Variants in VPS53 observed in about 807,000 individuals in gnomAD.
VPS53 encodes the protein VPS53 subunit of GARP complex.
In VPS53, 70 loss-of-function variants were observed where a neutral mutation model predicts 107.0. That is an observed-to-expected ratio of 0.65 (90% CI 0.54 to 0.80). VPS53 has a LOEUF of 0.80. Ranked by LOEUF, VPS53 falls within the 30% of genes least tolerant of loss-of-function variation. VPS53 has a pLI of 0.00. For synonymous variants in VPS53, 409 were observed against 393.3 expected, an observed-to-expected ratio of 1.04 and a Z score of -0.47; for missense variants, 917 against 1,049.4, an observed-to-expected ratio of 0.87 and a Z score of 1.74.
intron 4 of VPS53, among the ~76,000 whole-genome samples, chr17:680,921 G>C (rs962000488): frequency 1.3e-5 from 2 of 151,980 alleles, no homozygotes; most frequent in Admixed American, 6.6e-5. Flanking sequence ...TTATACCCTT[G>C]GAAATTTATT....
rs1969107626 is a variant in VPS53 at position 615,770 on chromosome 17, A to G, written c.1116+7763T>C. ...TCCTGAAAGGAAGGTAGCATGGGGA[A>G]GGGGTCAGGGGCCAGGGAGCAGCAT... On this transcript the variant is annotated intron_variant, in intron 11 of 21. Transcript: ENST00000437048. 2.0e-5 allele frequency among the ~76,000 whole-genome samples: 3 copies of G among 152,324 alleles called. No homozygotes were observed. The South Asian group carries it at 6.2e-4, about 32-fold the overall frequency.
intron 17 of VPS53, among the ~76,000 whole-genome samples, chr17:546,593 G>A (rs990853733): frequency 6.6e-6 from 1 of 152,026 alleles, no homozygotes; most frequent in African/African-American, 2.4e-5. Context: ...TATACAAATC[G>A]CCAGTAGCAT....
intron 5 of VPS53, among the ~76,000 whole-genome samples, chr17:659,052 A>T (rs138551404): frequency 7.2e-6 from 1 of 139,704 alleles, no homozygotes; most frequent in Non-Finnish European, 1.6e-5. Flanking sequence ...AAAAAAAAAA[A>T]GGTTAAGACC....
chr17:671,188 GCCACTGCACT>G (rs1163024548), intron 4 of VPS53, among the ~76,000 whole-genome samples: 1 of 151,268 alleles, frequency 6.6e-6, no homozygotes, highest in Non-Finnish European at 1.5e-5. Flanking sequence ...CCAAGATTAT[GCCACTGCACT>G]CCAGCCTGGG....
chr17:704,582 T>C (rs989304895), intron 2 of VPS53, among the ~76,000 whole-genome samples: 1 of 152,188 alleles, frequency 6.6e-6, no homozygotes, highest in Non-Finnish European at 1.5e-5. Flanking sequence ...CTGGCTTAGA[T>C]TTCACTCAGA....
In VPS53 at chr17:590,926, T is replaced by C. The variant is rs956471293; in HGVS notation, c.1219-4562A>G. On this transcript the variant is annotated intron_variant, in intron 12 of 21. Transcript: ENST00000437048. ...TTAGAGAGGATTCCCTCTTTTTCTA[T>C]TGATTGGAATAGTTTCAGAAGGAAT... Among the ~76,000 whole-genome samples, 1,498 of 152,148 alleles carry C rather than the reference T, an allele frequency of 9.8e-3. 20 individuals carry two copies. Among genetic ancestry groups the C allele is most frequent in the African/African-American group, 0.034 (1,408 of 41,502 alleles).
chr17:543,314 T>C (rs12941393), intron 17 of VPS53, among the ~76,000 whole-genome samples: 24,137 of 152,200 alleles, frequency 0.16, 2,105 homozygotes, highest in South Asian at 0.27. Context: ...TGTTTCAAAG[T>C]GTCTTTGGGG....
chr17:688,868 T>TC (rs1455034226), intron 4 of VPS53, among the ~76,000 whole-genome samples: 1 of 152,180 alleles, frequency 6.6e-6, no homozygotes, highest in African/African-American at 2.4e-5. Flanking sequence ...CACTCCCAGG[T>TC]CATGTCCAAA....
chr17:681,541 A>G (rs1346705327), intron 4 of VPS53, among the ~76,000 whole-genome samples: 2 of 152,206 alleles, frequency 1.3e-5, no homozygotes, highest in Non-Finnish European at 2.9e-5. Context: ...ACGCTTCCAT[A>G]TTGAATCTGT....
chr17:672,051 G>A (rs915369774), intron 4 of VPS53, among the ~76,000 whole-genome samples: 2 of 150,744 alleles, frequency 1.3e-5, no homozygotes, highest in South Asian at 2.1e-4. Context: ...GAGTTAGAGA[G>A]CAGCTAGGTT....
chr17:702,759 A>G (rs375972144), intron 2 of VPS53, among the ~76,000 whole-genome samples: 1 of 152,232 alleles, frequency 6.6e-6, no homozygotes, highest in Non-Finnish European at 1.5e-5. Flanking sequence ...CTTCATTTCC[A>G]GGCTTTCTGC....
intron 12 of VPS53, among the ~76,000 whole-genome samples, chr17:593,902 AC>A (rs1170680720): frequency 6.6e-6 from 1 of 152,232 alleles, no homozygotes; most frequent in Non-Finnish European, 1.5e-5. Context: ...AAGACTTGGA[AC>A]CAACCCAAAT....
intron 5 of VPS53, among the ~76,000 whole-genome samples, chr17:657,750 C>T (rs2143551256): frequency 6.6e-6 from 1 of 152,080 alleles, no homozygotes; most frequent in Non-Finnish European, 1.5e-5. Flanking sequence ...ATAGATACGT[C>T]CTCATTAAAG....
At chr17:624,397 G>A (rs1469086767) in intron 10 of VPS53, among the ~76,000 whole-genome samples, 1 of 152,146 alleles carries the variant, frequency 6.6e-6, no homozygotes, top group African/African-American at 2.4e-5. Context: ...TGGCAAGCAC[G>A]CTTAGCTGGT....
Position 558,669 on chromosome 17 carries a change from G to A in VPS53, c.1704+1757C>T, listed in dbSNP as rs117171690. On this transcript the variant is annotated intron_variant, in intron 15 of 21. Transcript: ENST00000437048. ...CAAAATTTGAAGCACTATAAACAAC[G>A]ATCAGGGATGCTTGCTAAATAAGTT... Among the ~76,000 whole-genome samples the A allele has an allele frequency of 1.1e-4, 17 of 149,826 alleles. No homozygotes were observed. In the East Asian group the frequency reaches 3.0e-3, roughly 27 times the overall value.
In VPS53 at chr17:623,522, G is replaced by T; in HGVS notation, c.1116+11C>A. The T allele has an allele frequency of 6.2e-7, 1 of 1,608,538 alleles. No homozygotes were observed. Among genetic ancestry groups the T allele is most frequent in the Non-Finnish European group, 8.5e-7 (1 of 1,175,826 alleles). On this transcript the variant is annotated intron_variant, in intron 11 of 21. Transcript: ENST00000437048. ...TGATTTCACGTGGCAGCTCCCTAGGGAAGGTCTTACCAGGGTCCCATCGGT... is the reference window on the plus strand; with the variant it reads ...TGATTTCACGTGGCAGCTCCCTAGGTAAGGTCTTACCAGGGTCCCATCGGT...
chr17:644,385 C>G (rs904293073), intron 7 of VPS53, among the ~76,000 whole-genome samples: 8 of 152,202 alleles, frequency 5.3e-5, no homozygotes, highest in Admixed American at 5.2e-4. Flanking sequence ...CCGCCCCTTA[C>G]AACAAATAGC....
Position 519,289 on chromosome 17 carries a change from T to A in VPS53, c.2338A>T (p.Arg780Trp). Residue 780 changes from arginine to tryptophan, a missense_variant, in exon 22 of 22, where the codon AGG (arginine) becomes TGG (tryptophan). By Grantham distance (101) the Arg-to-Trp change is moderately radical. Transcript: ENST00000437048. This position sits in a 1 kb window ranked among gnomAD's most constrained non-coding sequence, Gnocchi z 5.0. The stretch of plus-strand genomic sequence containing the variant: ...TCCAGCATGCTGCTCTGCTCACTCC[T>A]CTTCAGCCCCTGAGGTTGAGAGAGA... ...QKILDMKGLKRSEQSSMLELL... is the reference protein window; with the variant it reads ...QKILDMKGLKWSEQSSMLELL... The A allele has an allele frequency of 6.7e-7, 1 of 1,491,682 alleles. No homozygotes were observed. The highest frequency in any genetic ancestry group is 1.3e-5 in the South Asian group (1 of 75,022). The allele number at this position is 1,491,682 out of a possible 1,614,324, so 92.4% of individuals were successfully genotyped here.
intron 5 of VPS53, among the ~76,000 whole-genome samples, chr17:659,796 C>T (rs149804186): frequency 3.5e-4 from 53 of 152,290 alleles, no homozygotes; most frequent in African/African-American, 1.1e-3. Context: ...AAGACTCTAT[C>T]CCTTCTCTCT....
Sources: allele counts gnomAD v4.1 joint callset (sites outside exome capture counted in the v4.1 genomes callset), GRCh38; gene constraint gnomAD v4.1.1; non-coding constraint Gnocchi (gnomAD v3.1); transcripts MANE v1.5; gene names NCBI Gene and HGNC (gene_info 2026-07-23, HGNC 2026-07-21).